Variants in PTPRO observed in about 807,000 individuals in gnomAD.
PTPRO encodes the protein receptor-type tyrosine-protein phosphatase O.
A neutral mutation model predicts 145.2 loss-of-function variants in PTPRO; 62 were observed. The observed-to-expected ratio is 0.43, with a 90% confidence interval of 0.35 to 0.53. PTPRO has a LOEUF of 0.53. Among genes scored for constraint, PTPRO ranks in the 20% least tolerant of loss-of-function variants. The pLI is 0.01. For missense variants in PTPRO, 1,345 were observed against 1,482.7 expected, an observed-to-expected ratio of 0.91 and a Z score of 1.53; for synonymous variants, 565 against 514.7, an observed-to-expected ratio of 1.10 and a Z score of -1.32.
chr12:15,594,785 T>C, intron 25 of PTPRO, 152 bp from the exon 26 acceptor site: 1 of 640,352 alleles, frequency 1.6e-6, no homozygotes. Context: ...CAGTTGATTC[T>C]CTTGGATTTT....
At chr12:15,558,453 A>G (rs993473875) in intron 16 of PTPRO, among the ~76,000 whole-genome samples, 1 of 152,236 alleles carries the variant, frequency 6.6e-6, no homozygotes, top group Non-Finnish European at 1.5e-5. Context: ...AGCATTGTCA[A>G]GAGATTAAAT....
At chr12:15,464,753 T>A (rs1941381368) in intron 1 of PTPRO, among the ~76,000 whole-genome samples, 1 of 152,122 alleles carries the variant, frequency 6.6e-6, no homozygotes, top group Non-Finnish European at 1.5e-5. Flanking sequence ...TAAATTAGCA[T>A]GATATACTTG....
chr12:15,595,346 A>G, intron 26 of PTPRO: 1 of 385,030 alleles, frequency 2.6e-6, no homozygotes, highest in Non-Finnish European at 5.0e-6. Context: ...TTATTCTGTT[A>G]TTGGATCTGT....
At chr12:15,327,690 T>C (rs1180830326) in intron 1 of PTPRO, among the ~76,000 whole-genome samples, 1 of 152,148 alleles carries the variant, frequency 6.6e-6, no homozygotes, top group African/African-American at 2.4e-5. Context: ...TGTGCGCTGG[T>C]GTCATTGATT....
chr12:15,555,660 A>C (rs980005897), intron 15 of PTPRO, among the ~76,000 whole-genome samples: 1 of 152,198 alleles, frequency 6.6e-6, no homozygotes, highest in African/African-American at 2.4e-5. Context: ...TTTGTGGTAC[A>C]TACCAAAGAT....
chr12:15,581,936 G>A, intron 23 of PTPRO, 135 bp downstream of exon 23: 1 of 1,176,624 alleles, frequency 8.5e-7, no homozygotes, highest in Admixed American at 2.0e-5. Context: ...TGTGGAGTGG[G>A]AAATCAGGGG....
At chr12:15,437,071 C>T (rs961013610) in intron 1 of PTPRO, among the ~76,000 whole-genome samples, 23 of 151,640 alleles carry the variant, frequency 1.5e-4, no homozygotes, top group African/African-American at 4.4e-4. Context: ...TTGCCTGGAC[C>T]GGTGGTCTGA....
intron 12 of PTPRO, among the ~76,000 whole-genome samples, chr12:15,527,875 A>ACCCCCCCCCCCCCCCCCCCCCCCCCCCCC (rs1555173370): frequency 2.2e-5 from 3 of 137,648 alleles, no homozygotes; most frequent in Admixed American, 7.5e-5. Context: ...GGGAACTGTG[A>ACCCCCCCCCCCCCCCCCCCCCCCCCCCCC]CCCGCCCACG....
chr12:15,332,208 TAATG>T (rs988227155), intron 1 of PTPRO, among the ~76,000 whole-genome samples: 45 of 152,226 alleles, frequency 3.0e-4, no homozygotes, highest in Middle Eastern at 6.8e-3. Context: ...CTCAGGAGAA[TAATG>T]AATATGCTCT....
At chr12:15,418,195 C>CA (rs745817786) in intron 1 of PTPRO, among the ~76,000 whole-genome samples, 1 of 151,776 alleles carries the variant, frequency 6.6e-6, no homozygotes, top group Admixed American at 6.6e-5. Flanking sequence ...ATAGCACAGG[C>CA]AAAGTGATTA....
At chr12:15,567,503 CCTCT>C (rs886228059) in intron 18 of PTPRO, among the ~76,000 whole-genome samples, 1 of 151,872 alleles carries the variant, frequency 6.6e-6, no homozygotes, top group Non-Finnish European at 1.5e-5. Flanking sequence ...GCTATTCCTT[CCTCT>C]CTCTCTCTTT....
At chr12:15,528,433 G>A (rs1174376080) in intron 12 of PTPRO, among the ~76,000 whole-genome samples, 2 of 151,112 alleles carry the variant, frequency 1.3e-5, no homozygotes, top group Non-Finnish European at 2.9e-5. Context: ...GCTGAGGCAG[G>A]AGAATGATGT....
At chr12:15,533,394 A>G (rs1164712951) in intron 12 of PTPRO, among the ~76,000 whole-genome samples, 1 of 152,174 alleles carries the variant, frequency 6.6e-6, no homozygotes, top group African/African-American at 2.4e-5. Flanking sequence ...TTGAAAACAT[A>G]TAATGTTGGT....
At chr12:15,468,513 A>G (rs1319700545) in intron 1 of PTPRO, among the ~76,000 whole-genome samples, 3 of 152,122 alleles carry the variant, frequency 2.0e-5, no homozygotes, top group African/African-American at 7.2e-5. Context: ...CTCTCCAACT[A>G]ATCATCAGGT....
chr12:15,523,708 G>A (rs1411127613), intron 10 of PTPRO, among the ~76,000 whole-genome samples: 3 of 151,566 alleles, frequency 2.0e-5, no homozygotes, highest in African/African-American at 7.3e-5. Flanking sequence ...CTGGGAGGTC[G>A]AGGCTGCAGT....
At chr12:15,440,550 A>T (rs774629593) in intron 1 of PTPRO, 77 of 162,934 alleles carry the variant, frequency 4.7e-4, no homozygotes, top group Non-Finnish European at 7.9e-4. Context: ...TACCATGCAA[A>T]CAGAGAAGAA....
intron 18 of PTPRO, among the ~76,000 whole-genome samples, chr12:15,567,672 G>A (rs1943935314): frequency 6.6e-6 from 1 of 152,186 alleles, no homozygotes; most frequent in Non-Finnish European, 1.5e-5. Flanking sequence ...ACACCAGCCA[G>A]AGAGTGCAGT....
chr12:15,369,444 C>T (rs140426805), intron 1 of PTPRO, among the ~76,000 whole-genome samples: 3 of 152,214 alleles, frequency 2.0e-5, no homozygotes, highest in African/African-American at 4.8e-5. Context: ...TCAGTCATAT[C>T]GTCATGGTTT....
rs1382299577 is a variant in PTPRO at position 15,596,909 on chromosome 12, T to A, written c.*836T>A. ...GGACTCTTTGAACTCTGTTGCTGTC[T>A]GAGCAATCGTGGTGCCTAGACTTTG... is the stretch of plus-strand genomic sequence containing the variant. On this transcript the variant is annotated 3_prime_UTR_variant, in exon 27 of 27. Transcript: ENST00000281171. 3 of 152,662 alleles carry A rather than the reference T, an allele frequency of 2.0e-5. No individual in the cohort carries two copies. The highest frequency in any genetic ancestry group is 6.5e-5 in the Admixed American group (1 of 15,282). 9.5% of individuals were successfully genotyped at this position (152,662 alleles called of 1,614,324 possible). A position where few individuals can be genotyped will look rare whatever the true frequency, so the allele number is the denominator to read the frequency against.
Sources: allele counts gnomAD v4.1 joint callset (sites outside exome capture counted in the v4.1 genomes callset), GRCh38; gene constraint gnomAD v4.1.1; transcripts MANE v1.5; gene names NCBI Gene and HGNC (gene_info 2026-07-23, HGNC 2026-07-21).